KIAA1549L: variants seen among roughly 807,000 people sequenced by gnomAD.
KIAA1549L encodes KIAA1549 like.
A neutral mutation model predicts 160.7 loss-of-function variants in KIAA1549L; 88 were observed. The ratio of observed to expected loss-of-function variants is 0.55; its 90% CI spans 0.46 to 0.65. The LOEUF (loss-of-function observed/expected upper bound fraction) is 0.65. Ranked by LOEUF, KIAA1549L falls within the 30% of genes least tolerant of loss-of-function variation. KIAA1549L has a pLI of 0.00. For missense variants in KIAA1549L, 2,258 were observed against 2,437.5 expected, an observed-to-expected ratio of 0.93 and a Z score of 1.55; for synonymous variants, 950 against 976.7, an observed-to-expected ratio of 0.97 and a Z score of 0.51.
intron 6 of KIAA1549L, among the ~76,000 whole-genome samples, chr11:33,554,277 G>C (rs758385942): frequency 2.0e-5 from 3 of 152,042 alleles, no homozygotes; most frequent in Non-Finnish European, 2.9e-5. Context: ...TAATTAATTT[G>C]CTCAGATAGT....
At chr11:33,625,761 T>G (rs1267519569) in intron 16 of KIAA1549L, among the ~76,000 whole-genome samples, 3 of 152,220 alleles carry the variant, frequency 2.0e-5, no homozygotes, top group Non-Finnish European at 2.9e-5. Flanking sequence ...TCTTTTAGTT[T>G]AATTAGATCC....
intron 15 of KIAA1549L, 25 bp from the exon 16 acceptor site, chr11:33,618,508 A>T (rs199614001): frequency 1.3e-6 from 2 of 1,591,646 alleles, no homozygotes; most frequent in East Asian, 2.3e-5. Flanking sequence ...TTGCTGCATC[A>T]TAACAGTTGT....
intron 1 of KIAA1549L, among the ~76,000 whole-genome samples, chr11:33,448,847 A>G (rs1407718456): frequency 6.6e-6 from 1 of 152,198 alleles, no homozygotes; most frequent in Non-Finnish European, 1.5e-5. Flanking sequence ...AACACAGACA[A>G]CCTTTGAAAA....
chr11:33,639,625 C>T (rs578214108), intron 16 of KIAA1549L, among the ~76,000 whole-genome samples: 259 of 152,204 alleles, frequency 1.7e-3, no homozygotes, highest in Admixed American at 5.0e-3. Flanking sequence ...CTGCAACCTC[C>T]GCCTCCCGGG....
rs1402973887 is a variant in KIAA1549L at position 33,606,789 on chromosome 11, G to T, written c.5028G>T (p.Arg1676Ser). The T allele has an allele frequency of 6.2e-7, 1 of 1,612,512 alleles. No individual in the cohort carries two copies. The highest frequency in any genetic ancestry group is 1.3e-5 in the African/African-American group (1 of 74,888). Reference protein sequence around the residue: ...ALPMVPPTSDRSQESSAVLNG... With the variant: ...ALPMVPPTSDSSQESSAVLNG... ...CCATGGTGCCCCCCACCTCGGACAGGAGCCAGGAGTCATCGGCAGTCCTCA... is the reference window on the plus strand; with the variant it reads ...CCATGGTGCCCCCCACCTCGGACAGTAGCCAGGAGTCATCGGCAGTCCTCA... The change falls in exon 14 of 21, where the codon AGG becomes AGT. Residue 1676 changes from arginine (R) to serine (S), a missense_variant. By Grantham distance (110) the Arg-to-Ser change is moderately radical. Coordinates refer to ENST00000658780, the MANE Select transcript of KIAA1549L (RefSeq NM_012194.3).
intron 1 of KIAA1549L, among the ~76,000 whole-genome samples, chr11:33,530,414 GAAAAAAAAAAAAAAAA>G (rs71457306): frequency 1.8e-4 from 3 of 16,560 alleles, no homozygotes; most frequent in African/African-American, 6.3e-4. Context: ...GAAGAAGAAG[GAAAAAAAAAAAAAAAA>G]AAAAAAATAT....
At chr11:33,397,652 C>T (rs1254440838) in intron 1 of KIAA1549L, among the ~76,000 whole-genome samples, 2 of 150,620 alleles carry the variant, frequency 1.3e-5, no homozygotes, top group Non-Finnish European at 3.0e-5. Flanking sequence ...GCGGAGGTTG[C>T]GGTGAGCCAA....
At chr11:33,577,842 A>G (rs1410590571) in intron 10 of KIAA1549L, among the ~76,000 whole-genome samples, 1 of 151,930 alleles carries the variant, frequency 6.6e-6, no homozygotes, top group African/African-American at 2.4e-5. Flanking sequence ...CGCTGCAGTC[A>G]CCTCAGGGCC....
chr11:33,580,494 A>G (rs1855597703), intron 10 of KIAA1549L, among the ~76,000 whole-genome samples: 1 of 150,704 alleles, frequency 6.6e-6, no homozygotes, highest in South Asian at 2.1e-4. Flanking sequence ...GAATGGCTTG[A>G]AACTGGGAAG....
intron 1 of KIAA1549L, among the ~76,000 whole-genome samples, chr11:33,540,384 G>A (rs1447201216): frequency 6.6e-6 from 1 of 152,178 alleles, no homozygotes; most frequent in Non-Finnish European, 1.5e-5. Context: ...GGATTCTAAA[G>A]TTTAACTGAA....
intron 16 of KIAA1549L, among the ~76,000 whole-genome samples, chr11:33,626,516 G>C (rs1320315438): frequency 7.0e-6 from 1 of 143,128 alleles, no homozygotes; most frequent in Non-Finnish European, 1.5e-5. Context: ...TATTCTCTTT[G>C]AAGCAATTGT....
At chr11:33,634,615 G>A (rs565799450) in intron 16 of KIAA1549L, among the ~76,000 whole-genome samples, 24 of 152,322 alleles carry the variant, frequency 1.6e-4, no homozygotes, top group African/African-American at 5.5e-4. Flanking sequence ...AGTTGAGCTG[G>A]CACCTAAGAC....
rs1360013006 is a variant in KIAA1549L at position 33,516,220 on chromosome 11, C to T, written c.239-25582C>T. 3.4e-5 allele frequency among the ~76,000 whole-genome samples: 2 copies of T among 58,154 alleles called. 1 individual carries two copies. Among genetic ancestry groups the T allele is most frequent in the Middle Eastern group, 0.02 (2 of 98 alleles). 38.2% of individuals were successfully genotyped at this position (58,154 alleles called of 152,430 possible). On this transcript the variant is annotated intron_variant, in intron 1 of 20. Transcript: ENST00000658780. Reference sequence around the variant, plus strand: ...AGGCTGGAGTGCAGTGGCGCAATCTCGGCTCACTGCAAGCTCCGCCTCTCG... The same window carrying T: ...AGGCTGGAGTGCAGTGGCGCAATCTTGGCTCACTGCAAGCTCCGCCTCTCG...
At chr11:33,549,767 G>A (rs1378877279) in intron 4 of KIAA1549L, among the ~76,000 whole-genome samples, 6 of 152,182 alleles carry the variant, frequency 3.9e-5, no homozygotes, top group Non-Finnish European at 8.8e-5. Context: ...ACTTTGGGAG[G>A]CCGAGGTGGG....
intron 4 of KIAA1549L, 140 bp downstream of exon 4, chr11:33,548,019 A>T: frequency 1.6e-6 from 1 of 629,530 alleles, no homozygotes; most frequent in Non-Finnish European, 2.8e-6. Flanking sequence ...TTTGGCAACT[A>T]GCTAATGTGT....
At chr11:33,488,003 C>A (rs974100925) in intron 1 of KIAA1549L, among the ~76,000 whole-genome samples, 1 of 152,302 alleles carries the variant, frequency 6.6e-6, no homozygotes, top group East Asian at 1.9e-4. Context: ...CTGGGCATTG[C>A]GAGACTGGTT....
chr11:33,416,465 A>G (rs1231600368), intron 1 of KIAA1549L, among the ~76,000 whole-genome samples: 2 of 152,194 alleles, frequency 1.3e-5, no homozygotes, highest in South Asian at 4.1e-4. Flanking sequence ...AATGTTTGAA[A>G]AAAAAAACCA....
intron 1 of KIAA1549L, among the ~76,000 whole-genome samples, chr11:33,416,989 C>G (rs1234022387): frequency 6.6e-6 from 1 of 152,182 alleles, no homozygotes; most frequent in East Asian, 1.9e-4. Flanking sequence ...AAAGAGAATG[C>G]TCTGTAACTT....
intron 1 of KIAA1549L, among the ~76,000 whole-genome samples, chr11:33,424,900 C>T (rs1376170900): frequency 6.6e-6 from 1 of 152,162 alleles, no homozygotes; most frequent in Non-Finnish European, 1.5e-5. Context: ...GAGGTGCTGC[C>T]TTTCTGGCCT....
Sources: allele counts gnomAD v4.1 joint callset (sites outside exome capture counted in the v4.1 genomes callset), GRCh38; gene constraint gnomAD v4.1.1; transcripts MANE v1.5; gene names NCBI Gene and HGNC (gene_info 2026-07-23, HGNC 2026-07-21).